TRMT9B: variants seen among roughly 807,000 people sequenced by gnomAD.
TRMT9B encodes the protein tRNA methyltransferase 9B (putative).
In TRMT9B, 16 loss-of-function variants were observed where a neutral mutation model predicts 11.5. The observed-to-expected ratio is 1.39, with a 90% CI of 0.94 to 2.11. The LOEUF (loss-of-function observed/expected upper bound fraction) is 2.11, where lower values mean the gene tolerates loss of function less well. Among genes scored for constraint, TRMT9B ranks in the 30% most tolerant of loss-of-function variants. The pLI is 0.00. For synonymous variants in TRMT9B, 274 were observed against 192.4 expected (o/e 1.42, Z -3.51); for missense variants, 941 against 553.8 (o/e 1.70, Z -7.02).
In TRMT9B at chr8:13,023,003, A is replaced by AATT. The variant is rs1814199436; in HGVS notation, c.*961_*962insTAT. On this transcript the variant is annotated 3_prime_UTR_variant, in exon 5 of 5. Transcript: ENST00000524591. ...GTCTCAAAATAATAATAATAATAATAATAAAGGCGTTGTTAGCTTGTAAGG... is the reference window on the plus strand; with the variant it reads ...GTCTCAAAATAATAATAATAATAATAATTATAAAGGCGTTGTTAGCTTGTAAGG... 6.0e-6 allele frequency: 1 copy of AATT among 166,768 alleles called. No homozygotes were observed. Among genetic ancestry groups the AATT allele is most frequent in the African/African-American group, 2.4e-5 (1 of 41,414 alleles). 10.3% of individuals were successfully genotyped at this position (166,768 alleles called of 1,614,324 possible).
chr8:12,994,871 G>A (rs1348850468), intron 2 of TRMT9B, among the ~76,000 whole-genome samples: 1 of 152,034 alleles, frequency 6.6e-6, no homozygotes, highest in African/African-American at 2.4e-5. Flanking sequence ...TAGTAGAGAC[G>A]GGGTTTCTCC....
At chr8:13,012,546 G>T (rs1256383266) in intron 3 of TRMT9B, 138 bp from the exon 4 acceptor site, 2 of 1,162,216 alleles carry the variant, frequency 1.7e-6, no homozygotes, top group African/African-American at 1.6e-5. Context: ...CTGCACTCCA[G>T]CCTGGGTGAC....
chr8:13,003,795 G>A (rs997842964), intron 2 of TRMT9B, among the ~76,000 whole-genome samples: 2 of 150,592 alleles, frequency 1.3e-5, no homozygotes, highest in African/African-American at 4.9e-5. Flanking sequence ...CTCCCCACAA[G>A]GACCAGAGTT....
chr8:13,010,704 A>G (rs1230002490), intron 3 of TRMT9B: 3 of 984,922 alleles, frequency 3.0e-6, no homozygotes, highest in Non-Finnish European at 2.4e-6. Context: ...TCATTGAAGT[A>G]ACTTTCCCTT....
At chr8:13,006,746 G>T (rs1156761449) in intron 3 of TRMT9B, 24 of 868,450 alleles carry the variant, frequency 2.8e-5, no homozygotes, top group Non-Finnish European at 3.3e-5. Flanking sequence ...TCAGCTTGCT[G>T]CAAACTCCGC....
intron 2 of TRMT9B, among the ~76,000 whole-genome samples, chr8:13,003,394 C>T (rs1280594457): frequency 6.6e-6 from 1 of 152,162 alleles, no homozygotes; most frequent in African/African-American, 2.4e-5. Flanking sequence ...GCTTTTCTTA[C>T]TCCTTCCCTG....
intron 1 of TRMT9B, among the ~76,000 whole-genome samples, chr8:12,988,586 A>T (rs1798127552): frequency 6.6e-6 from 1 of 152,150 alleles, no homozygotes; most frequent in Non-Finnish European, 1.5e-5. Flanking sequence ...GGCGGCAGCA[A>T]GGAGAAGTGC....
intron 1 of TRMT9B, among the ~76,000 whole-genome samples, chr8:12,987,776 T>C (rs977705716): frequency 2.0e-5 from 3 of 152,102 alleles, no homozygotes; most frequent in African/African-American, 7.2e-5. Context: ...GCTCAGAACA[T>C]TTACATTAGC....
At chr8:12,985,595 C>T (rs1386581534) in intron 1 of TRMT9B, among the ~76,000 whole-genome samples, 4 of 152,156 alleles carry the variant, frequency 2.6e-5, no homozygotes, top group African/African-American at 7.2e-5. Flanking sequence ...TGAGACAGTA[C>T]GGACCACCCA....
intron 3 of TRMT9B, among the ~76,000 whole-genome samples, chr8:13,008,822 G>A (rs1019060144): frequency 1.1e-4 from 16 of 152,042 alleles, no homozygotes; most frequent in African/African-American, 1.9e-4. Context: ...TCCGCCTCCC[G>A]GGTTCACGCC....
intron 1 of TRMT9B, chr8:12,961,940 C>G (rs1194691993): frequency 6.6e-6 from 1 of 152,262 alleles, no homozygotes. Flanking sequence ...CAGACCACTT[C>G]CTTGCCATCC....
intron 1 of TRMT9B, among the ~76,000 whole-genome samples, chr8:12,986,064 G>A (rs1806250978): frequency 6.6e-6 from 1 of 152,094 alleles, no homozygotes; most frequent in South Asian, 2.1e-4. Context: ...GTTTCACCAT[G>A]CTGGACAAGC....
intron 4 of TRMT9B, among the ~76,000 whole-genome samples, chr8:13,016,003 T>C (rs569140721): frequency 1.2e-3 from 186 of 151,356 alleles, no homozygotes; most frequent in African/African-American, 4.2e-3. Flanking sequence ...CCAGCTACTT[T>C]GGGAGGCTGG....
rs181601026 is a variant in TRMT9B, at chr8:13,021,787, C to A, written c.1108C>A (p.Pro370Thr). The change falls in exon 5 of 5, where the codon CCT becomes ACT. Residue 370 changes from proline (P) to threonine (T), a missense_variant. Physicochemically the swap from Pro to Thr is conservative, Grantham distance 38. Coordinates refer to ENST00000524591, the MANE Select transcript of TRMT9B (RefSeq NM_020844.3). ...VDAGNIEDDN[P>T]SASKILRRIS... ...TGCAGGCAACATAGAAGATGATAAT[C>A]CTTCTGCTAGTAAAATATTGAGAAG... The A allele has an allele frequency of 2.5e-6, 4 of 1,613,734 alleles. No individual in the cohort carries two copies. The highest frequency in any genetic ancestry group is 1.3e-5 in the African/African-American group (1 of 74,904).
intron 1 of TRMT9B, among the ~76,000 whole-genome samples, chr8:12,954,377 G>T (rs748691276): frequency 6.6e-6 from 1 of 152,158 alleles, no homozygotes; most frequent in East Asian, 1.9e-4. Context: ...CTCTATCATT[G>T]CTTTGAAGAA....
chr8:13,006,737 C>A, intron 3 of TRMT9B: 2 of 972,884 alleles, frequency 2.1e-6, no homozygotes, highest in Non-Finnish European at 1.3e-6. Context: ...GGTGCAATCT[C>A]AGCTTGCTGC....
intron 1 of TRMT9B, chr8:12,952,700 G>A (rs1585053610): frequency 1.2e-5 from 12 of 983,948 alleles, no homozygotes; most frequent in Non-Finnish European, 1.3e-5. Flanking sequence ...TGCCAAAATA[G>A]GAAGGTAAGG....
At chr8:12,946,588 G>A (rs1430959276) in intron 1 of TRMT9B, among the ~76,000 whole-genome samples, 3 of 152,190 alleles carry the variant, frequency 2.0e-5, no homozygotes, top group Non-Finnish European at 4.4e-5. Flanking sequence ...CAAGCAAGAT[G>A]AGAGCATGGG....
At position 13,006,082 on chromosome 8, in the gene TRMT9B, G is replaced by C. The variant is rs891642252; in HGVS notation, c.-1-120G>C. The C allele has an allele frequency of 4.6e-6, 4 of 876,948 alleles. No individual in the cohort carries two copies. The African/African-American group carries it at 5.0e-5, about 11-fold the overall frequency. The allele number at this position is 876,948 out of a possible 1,614,324, so 54.3% of individuals were successfully genotyped here. On this transcript the variant is annotated intron_variant, in intron 2 of 4. Coordinates refer to ENST00000524591, the MANE Select transcript of TRMT9B (RefSeq NM_020844.3). ...TGTTCTTTGCAGCTTATAAGAAAGTGTGCAAACAGCATGAGTTTGCAGTTG... is the reference window on the plus strand; with the variant it reads ...TGTTCTTTGCAGCTTATAAGAAAGTCTGCAAACAGCATGAGTTTGCAGTTG...
Sources: gnomAD v4.1 joint callset for allele counts (sites outside exome capture counted in the v4.1 genomes callset) on GRCh38, gnomAD v4.1.1 for gene constraint, MANE v1.5 for transcripts, NCBI Gene and HGNC (gene_info 2026-07-23, HGNC 2026-07-21) for gene names.